The following TXNL1 variants were observed in gnomAD, a reference collection of about 807,000 sequenced individuals.
The protein encoded by TXNL1 is thioredoxin like 1, also known as thioredoxin-like protein 1.
In TXNL1, 14 loss-of-function variants were observed where a neutral mutation model predicts 35.5. That is an observed-to-expected ratio of 0.39 (90% CI 0.26 to 0.62). TXNL1 has a LOEUF of 0.62. Ranked by LOEUF, TXNL1 falls within the 20% of genes least tolerant of loss-of-function variation. The probability of loss-of-function intolerance (pLI) is 0.47; values close to 1 mark genes in which losing one functional copy is unlikely to be tolerated. For missense variants in TXNL1, 263 were observed against 349.7 expected (o/e 0.75, Z 1.98); for synonymous variants, 110 against 115.5 (o/e 0.95, Z 0.31).
chr18:56,637,528 A>T (rs552404514), intron 1 of TXNL1, among the ~76,000 whole-genome samples: 1 of 152,240 alleles, frequency 6.6e-6, no homozygotes, highest in Non-Finnish European at 1.5e-5. Flanking sequence ...AAGGAACTTT[A>T]CTACACATCC....
chr18:56,611,830 C>A (rs988904038), intron 6 of TXNL1, among the ~76,000 whole-genome samples: 3 of 143,836 alleles, frequency 2.1e-5, no homozygotes, highest in Non-Finnish European at 4.5e-5. Context: ...AGTAGCCCAC[C>A]AGCACACCCG....
chr18:56,607,573 T>C (rs893656885), intron 7 of TXNL1, among the ~76,000 whole-genome samples: 3 of 152,190 alleles, frequency 2.0e-5, no homozygotes, highest in African/African-American at 4.8e-5. Context: ...ATTAAACCCA[T>C]TGTAAAGACC....
chr18:56,626,200 G>A, intron 2 of TXNL1, 161 bp downstream of exon 2: 1 of 1,359,840 alleles, frequency 7.4e-7, no homozygotes, highest in Non-Finnish European at 9.5e-7. Flanking sequence ...CTTAACTAAT[G>A]CAGCCATAAT....
intron 1 of TXNL1, among the ~76,000 whole-genome samples, chr18:56,635,684 T>C (rs555203466): frequency 1.4e-4 from 22 of 152,284 alleles, no homozygotes; most frequent in South Asian, 6.2e-4. Flanking sequence ...TATCCTTTAA[T>C]GGATATAGAA....
intron 5 of TXNL1, among the ~76,000 whole-genome samples, chr18:56,615,899 G>A (rs912774444): frequency 1.3e-5 from 2 of 152,090 alleles, no homozygotes; most frequent in Non-Finnish European, 2.9e-5. Context: ...GGAGGCCAAG[G>A]TGGGTGGATC....
intron 3 of TXNL1, among the ~76,000 whole-genome samples, chr18:56,622,124 A>G (rs2024198953): frequency 6.6e-6 from 1 of 152,034 alleles, no homozygotes; most frequent in Non-Finnish European, 1.5e-5. Context: ...AAAATTAGAT[A>G]AAATTAAATA....
rs1368378305 is a variant in TXNL1 at position 56,611,069 on chromosome 18, T to G, written c.764A>C (p.Glu255Ala). 6.2e-7 allele frequency: 1 copy of G among 1,606,948 alleles called. No homozygotes were observed. Among genetic ancestry groups the G allele is most frequent in the Non-Finnish European group, 8.5e-7 (1 of 1,177,860 alleles). Reference sequence around the variant, plus strand: ...AAAATATGAAATTCTTGTTGTTTCCTCTTCACCTTGATTCGACTGAACAAA... The same window carrying G: ...AAAATATGAAATTCTTGTTGTTTCCGCTTCACCTTGATTCGACTGAACAAA... Reference protein sequence around the residue: ...TIFVQSNQGEEETTRISYFTF... With the variant: ...TIFVQSNQGEAETTRISYFTF... Residue 255 changes from glutamate to alanine, a missense_variant, in exon 7 of 8, where the codon GAG becomes GCG. Physicochemically the swap from Glu to Ala is moderately radical, Grantham distance 107. Transcript: ENST00000217515.
rs2024280673 is a variant in TXNL1 at position 56,626,453 on chromosome 18, C to T, written c.103G>A (p.Gly35Arg). The T allele has an allele frequency of 6.2e-7, 1 of 1,604,416 alleles. No homozygotes were observed. The highest frequency in any genetic ancestry group is 8.5e-7 in the Non-Finnish European group (1 of 1,177,084). Residue 35 changes from glycine to arginine, a missense_variant, in exon 2 of 8, where the codon GGG becomes AGG. Coordinates refer to ENST00000217515, the MANE Select transcript of TXNL1 (RefSeq NM_004786.3). The stretch of plus-strand genomic sequence containing the variant: ...GCTGGGGCAATCCTCAAACATGGCC[C>T]ACACCTGTTAGAAAAGGAAAATTAA... The part of the protein sequence containing the change: ...AVVKFTMRGC[G>R]PCLRIAPAFS...
Position 56,597,688 on chromosome 18 carries a change from C to T in TXNL1, c.*5339G>A, listed in dbSNP as rs941129618. 1 of 152,162 alleles carries T rather than the reference C, an allele frequency of 6.6e-6. No homozygotes were observed. The highest frequency in any genetic ancestry group is 2.4e-5 in the African/African-American group (1 of 41,446). The allele number at this position is 152,162 out of a possible 1,614,324, so 9.4% of individuals were successfully genotyped here. A position where few individuals can be genotyped will look rare whatever the true frequency, so the allele number is the denominator to read the frequency against. Reference sequence around the variant, plus strand: ...TCTCTCCCTTTATATTCTAAAAATTCCCATTCATATACATATTTCAGTTTT... The same window carrying T: ...TCTCTCCCTTTATATTCTAAAAATTTCCATTCATATACATATTTCAGTTTT... On this transcript the variant is annotated 3_prime_UTR_variant, in exon 8 of 8. Transcript: ENST00000217515.
rs2024037545 is a variant in TXNL1 at position 56,613,897 on chromosome 18, GTGGTGCA to G, written c.735+520_735+526del. On this transcript the variant is annotated intron_variant, in intron 6 of 7. Transcript: ENST00000217515. Reference sequence around the variant, plus strand: ...AAAAGTCATTTTTAAGCCAGGTGCAGTGGTGCATGCCTGTAATCCCAGCTTCTCAGGA... The same window carrying G: ...AAAAGTCATTTTTAAGCCAGGTGCAGTGCCTGTAATCCCAGCTTCTCAGGA... Among the ~76,000 whole-genome samples, 2 of 152,068 alleles carry G rather than the reference GTGGTGCA, an allele frequency of 1.3e-5. 1 individual carries two copies.
intron 7 of TXNL1, among the ~76,000 whole-genome samples, chr18:56,606,107 G>T (rs891562280): frequency 6.6e-6 from 1 of 152,232 alleles, no homozygotes; most frequent in Non-Finnish European, 1.5e-5. Flanking sequence ...CAGGCATGGT[G>T]GCTCACGCCT....
chr18:56,611,899 G>T (rs1598913972), intron 6 of TXNL1, among the ~76,000 whole-genome samples: 1 of 149,050 alleles, frequency 6.7e-6, no homozygotes, highest in African/African-American at 2.5e-5. Context: ...CCCAGGCTGG[G>T]GTGCAGTGGT....
intron 7 of TXNL1, among the ~76,000 whole-genome samples, chr18:56,604,213 T>C (rs569652192): frequency 2.0e-5 from 3 of 152,016 alleles, no homozygotes; most frequent in Non-Finnish European, 4.4e-5. Flanking sequence ...AGAATGTGGA[T>C]AAGAGTAAGA....
intron 5 of TXNL1, among the ~76,000 whole-genome samples, chr18:56,615,761 A>G (rs2024075815): frequency 6.6e-6 from 1 of 152,170 alleles, no homozygotes; most frequent in Non-Finnish European, 1.5e-5. Context: ...GTATAAAAAT[A>G]ACTAAGTTCT....
chr18:56,600,202 C>T lies in TXNL1; in HGVS notation c.*2825G>A, dbSNP rs1461577231. On this transcript the variant is annotated 3_prime_UTR_variant, in exon 8 of 8. Transcript: ENST00000217515. ...ACTGCTGAGGCCAAATAAACAACTG[C>T]ATTCCTATAATCGCTGCCAAAAACA... is the stretch of plus-strand genomic sequence containing the variant. The T allele has an allele frequency of 6.6e-6, 1 of 152,264 alleles. No homozygotes were observed. The highest frequency in any genetic ancestry group is 1.5e-5 in the Non-Finnish European group (1 of 68,060). 9.4% of individuals were successfully genotyped at this position (152,264 alleles called of 1,614,324 possible). A position where few individuals can be genotyped will look rare whatever the true frequency, so the allele number is the denominator to read the frequency against.
Position 56,598,611 on chromosome 18 carries a change from G to A in TXNL1, c.*4416C>T, listed in dbSNP as rs2023772298. On this transcript the variant is annotated 3_prime_UTR_variant, in exon 8 of 8. Transcript: ENST00000217515. ...TAAAGAAAAGAGAACCAGCGGCCAT[G>A]TGGGGGATACATGAGAGAGGCCAGA... 6.6e-6 allele frequency: 1 copy of A among 152,538 alleles called. No homozygotes were observed. The highest frequency in any genetic ancestry group is 1.5e-5 in the Non-Finnish European group (1 of 68,326). 9.4% of individuals were successfully genotyped at this position (152,538 alleles called of 1,614,324 possible).
At chr18:56,609,128 T>C (rs2023950181) in intron 7 of TXNL1, 1 of 152,084 alleles carries the variant, frequency 6.6e-6, no homozygotes, top group Non-Finnish European at 1.5e-5. Context: ...CAGATAAATA[T>C]AGCCCACATA....
chr18:56,614,370 A>G (rs867301092), intron 6 of TXNL1, 54 bp downstream of exon 6: 2 of 1,503,958 alleles, frequency 1.3e-6, no homozygotes, highest in South Asian at 1.2e-5. Context: ...GATACTGAAA[A>G]TAGTATTGTT....
chr18:56,599,060 T>A lies in TXNL1; in HGVS notation c.*3967A>T, dbSNP rs938739041. ...AAGCATAGCAAGCACGAAGGAAAAA[T>A]ACTCTAGCAGTTTTAACATTGCATA... On this transcript the variant is annotated 3_prime_UTR_variant, in exon 8 of 8. Coordinates refer to ENST00000217515, the MANE Select transcript of TXNL1 (RefSeq NM_004786.3). The A allele has an allele frequency of 6.6e-6, 1 of 152,132 alleles. No homozygotes were observed. Among genetic ancestry groups the A allele is most frequent in the African/African-American group, 2.4e-5 (1 of 41,430 alleles). 9.4% of individuals were successfully genotyped at this position (152,132 alleles called of 1,614,324 possible).
Sources: allele counts gnomAD v4.1 joint callset (sites outside exome capture counted in the v4.1 genomes callset), GRCh38; gene constraint gnomAD v4.1.1; transcripts MANE v1.5; gene names NCBI Gene and HGNC (gene_info 2026-07-23, HGNC 2026-07-21).